NCOA6: variants seen among roughly 807,000 people sequenced by gnomAD.
NCOA6 encodes NRC RAP250.
In NCOA6, 49 loss-of-function variants were observed where a neutral mutation model predicts 171.4. That is an observed-to-expected ratio of 0.29 (90% confidence interval 0.23 to 0.36). The LOEUF (loss-of-function observed/expected upper bound fraction) is 0.36, where lower values mean the gene tolerates loss of function less well. Among genes scored for constraint, NCOA6 ranks in the 10% least tolerant of loss-of-function variants. The pLI, the probability that NCOA6 is intolerant of heterozygous loss-of-function variation, is 1.00. For missense variants in NCOA6, 2,248 were observed against 2,554.5 expected (o/e 0.88, Z 2.59); for synonymous variants, 910 against 927.5 (o/e 0.98, Z 0.34).
intron 14 of NCOA6, among the ~76,000 whole-genome samples, chr20:34,722,054 CAAAAAAAAAAA>C (rs71196757): frequency 6.2e-4 from 39 of 63,412 alleles, no homozygotes; most frequent in Admixed American, 1.1e-3. Context: ...GACCCTGTCT[CAAAAAAAAAAA>C]AAAAAAAAAA....
rs774732985 is a variant in NCOA6, at chr20:34,742,634, T to C, written c.3622A>G (p.Arg1208Gly). The part of the protein sequence containing the change: ...PNVAAPTQTS[R>G]PKTPNRASPR... The stretch of plus-strand genomic sequence containing the variant: ...CTGGCTCTGTTTGGTGTTTTGGGCC[T>C]AGATGTCTGGGTTGGCGCAGCCACA... The change falls in exon 11 of 15, where the codon AGG becomes GGG. Residue 1208 changes from arginine to glycine, a missense_variant. Arg to Gly is a moderately radical substitution (Grantham distance 125). Around this residue, in one of 7 missense-constraint regions of NCOA6, gnomAD observed 352 missense variants for 419.1 expected, o/e 0.84. Coordinates refer to ENST00000359003, the MANE Select transcript of NCOA6 (RefSeq NM_014071.5). 1 of 1,614,110 alleles carries C rather than the reference T, an allele frequency of 6.2e-7. No homozygotes were observed. The highest frequency in any genetic ancestry group is 8.5e-7 in the Non-Finnish European group (1 of 1,180,014).
intron 1 of NCOA6, among the ~76,000 whole-genome samples, chr20:34,803,487 A>C (rs35751027): frequency 5.3e-5 from 8 of 151,940 alleles, no homozygotes; most frequent in East Asian, 3.9e-4. Context: ...GAAAAAAAAA[A>C]CAAAAAAACA....
intron 1 of NCOA6, among the ~76,000 whole-genome samples, chr20:34,804,260 C>T (rs2078365959): frequency 6.6e-6 from 1 of 150,696 alleles, no homozygotes; most frequent in African/African-American, 2.4e-5. Context: ...TCATTTGAAT[C>T]CAGGAGGTGG....
chr20:34,734,520 A>G (rs1282689559), intron 12 of NCOA6, among the ~76,000 whole-genome samples: 1 of 151,868 alleles, frequency 6.6e-6, no homozygotes, highest in Non-Finnish European at 1.5e-5. Context: ...ATTTTTAAAA[A>G]TTTTTTGTAG....
chr20:34,721,488 G>A (rs999505254), intron 14 of NCOA6, among the ~76,000 whole-genome samples: 5 of 151,992 alleles, frequency 3.3e-5, no homozygotes, highest in African/African-American at 4.8e-5. Flanking sequence ...TGGGGGTTGC[G>A]GGGGAGACAG....
chr20:34,803,360 C>T (rs2078320144), intron 1 of NCOA6, among the ~76,000 whole-genome samples: 1 of 150,536 alleles, frequency 6.6e-6, no homozygotes, highest in Non-Finnish European at 1.5e-5. Flanking sequence ...CCCAGCTGCT[C>T]GGGAGACTGA....
chr20:34,731,033 T>C (rs929081718), intron 13 of NCOA6, among the ~76,000 whole-genome samples: 6 of 151,072 alleles, frequency 4.0e-5, no homozygotes, highest in Non-Finnish European at 7.4e-5. Context: ...TCTTTTCTTT[T>C]CTTTTAGACA....
chr20:34,814,614 G>A (rs776438407), intron 1 of NCOA6, among the ~76,000 whole-genome samples: 3 of 151,788 alleles, frequency 2.0e-5, no homozygotes, highest in African/African-American at 4.8e-5. Flanking sequence ...TTTTTGAGAC[G>A]GAGTCTCACT....
At chr20:34,793,455 T>C (rs77771511) in intron 1 of NCOA6, among the ~76,000 whole-genome samples, 4,396 of 152,228 alleles carry the variant, frequency 0.029, 226 homozygotes, top group African/African-American at 0.1. Flanking sequence ...ATATTTACTG[T>C]AGATATAAAA....
chr20:34,745,437 A>G (rs1047027233), intron 10 of NCOA6, among the ~76,000 whole-genome samples: 1 of 152,234 alleles, frequency 6.6e-6, no homozygotes, highest in Non-Finnish European at 1.5e-5. Flanking sequence ...CCTTCTGGAC[A>G]TACTCCCCAA....
At chr20:34,781,374 G>C (rs2077513551) in intron 3 of NCOA6, among the ~76,000 whole-genome samples, 1 of 152,206 alleles carries the variant, frequency 6.6e-6, no homozygotes, top group Non-Finnish European at 1.5e-5. Flanking sequence ...TCTAAATCAA[G>C]GTTCAAAACC....
At chr20:34,738,767 T>C in intron 11 of NCOA6, 1 of 414,994 alleles carries the variant, frequency 2.4e-6, no homozygotes, top group Non-Finnish European at 5.0e-6. Flanking sequence ...CGATCTCCAT[T>C]TTACAAGTGA....
chr20:34,730,959 G>A (rs924673944), intron 13 of NCOA6, among the ~76,000 whole-genome samples: 1 of 152,016 alleles, frequency 6.6e-6, no homozygotes, highest in East Asian at 1.9e-4. Flanking sequence ...TGCCTACCTC[G>A]GCCTCCCAGA....
chr20:34,795,907 A>G (rs949214357), intron 1 of NCOA6, among the ~76,000 whole-genome samples: 7 of 152,244 alleles, frequency 4.6e-5, no homozygotes, highest in Non-Finnish European at 8.8e-5. Context: ...AAATTATTCA[A>G]CAAAGGTAGA....
At chr20:34,819,989 T>C (rs2078957198) in intron 1 of NCOA6, 1 of 152,014 alleles carries the variant, frequency 6.6e-6, no homozygotes, top group Non-Finnish European at 1.5e-5. Context: ...TCACTGGTTA[T>C]ACATAGGGAA....
At chr20:34,777,094 G>C in intron 3 of NCOA6, among the ~76,000 whole-genome samples, 1 of 130,336 alleles carries the variant, frequency 7.7e-6, no homozygotes, top group East Asian at 2.3e-4. Context: ...TCCAGCCTGG[G>C]CAACAAAGTG....
At chr20:34,766,675 G>T (rs1369846052) in intron 5 of NCOA6, among the ~76,000 whole-genome samples, 2 of 152,126 alleles carry the variant, frequency 1.3e-5, no homozygotes, top group South Asian at 2.1e-4. Context: ...CAGTTAAGTG[G>T]CGTCTTAACA....
At chr20:34,789,590 T>C (rs2077801628) in intron 2 of NCOA6, among the ~76,000 whole-genome samples, 1 of 152,112 alleles carries the variant, frequency 6.6e-6, no homozygotes, top group South Asian at 2.1e-4. Flanking sequence ...CTGGGGAACA[T>C]GGTGAAACCC....
At chr20:34,817,980 G>A (rs141045794) in intron 1 of NCOA6, among the ~76,000 whole-genome samples, 2 of 152,308 alleles carry the variant, frequency 1.3e-5, no homozygotes, top group Non-Finnish European at 2.9e-5. Flanking sequence ...TCCATGATTT[G>A]ATTATATGGT....
Sources: gnomAD v4.1 joint callset for allele counts (sites outside exome capture counted in the v4.1 genomes callset) on GRCh38, gnomAD v4.1.1 for gene constraint, gnomAD v4.1.1 regional missense constraint, MANE v1.5 for transcripts, NCBI Gene and HGNC (gene_info 2026-07-23, HGNC 2026-07-21) for gene names.